The following CPED1 variants were observed in gnomAD, a reference collection of about 807,000 sequenced individuals.
CPED1 encodes cadherin-like and PC-esterase domain-containing protein 1.
CPED1 carries 114 observed loss-of-function variants against 128.2 expected under a neutral mutation model. The ratio of observed to expected loss-of-function variants is 0.89; its 90% CI spans 0.76 to 1.04. CPED1 has a LOEUF of 1.04. Among genes scored for constraint, CPED1 ranks in the 50% least tolerant of loss-of-function variants. The probability of loss-of-function intolerance (pLI) is 0.00; values close to 1 mark genes in which losing one functional copy is unlikely to be tolerated. For missense variants in CPED1, 1,211 were observed against 1,207.1 expected (o/e 1.00, Z -0.05); for synonymous variants, 462 against 426.7 (o/e 1.08, Z -1.02).
chr7:121,061,238 T>C, intron 4 of CPED1: 2 of 926,370 alleles, frequency 2.2e-6, no homozygotes, highest in Non-Finnish European at 2.6e-6. Flanking sequence ...CTAATGCATA[T>C]TCCCTTTTTC....
chr7:121,051,604 C>T, intron 4 of CPED1: 1 of 326,660 alleles, frequency 3.1e-6, no homozygotes, highest in Non-Finnish European at 5.8e-6. Context: ...TATGCCCTTG[C>T]TGTTTTTTAG....
intron 3 of CPED1, among the ~76,000 whole-genome samples, chr7:121,037,571 G>A (rs541235970): frequency 8.5e-5 from 13 of 152,158 alleles, no homozygotes; most frequent in South Asian, 8.3e-4. Flanking sequence ...GTCAGGTAAC[G>A]TGATGCCTCC....
At chr7:121,051,371 T>C in intron 4 of CPED1, 1 of 196,738 alleles carries the variant, frequency 5.1e-6, no homozygotes, top group Admixed American at 9.4e-5. Flanking sequence ...TGTAAATGCC[T>C]TTTTTTTTTT....
At chr7:121,184,167 ATTCTT>A (rs1796955585) in intron 16 of CPED1, among the ~76,000 whole-genome samples, 1 of 151,878 alleles carries the variant, frequency 6.6e-6, no homozygotes, top group Admixed American at 6.6e-5. Flanking sequence ...ATTTTGTGTG[ATTCTT>A]TTCTTTCAAA....
At chr7:121,230,630 A>T (rs532819520) in intron 16 of CPED1, among the ~76,000 whole-genome samples, 9 of 152,032 alleles carry the variant, frequency 5.9e-5, no homozygotes, top group Non-Finnish European at 1.2e-4. Context: ...CCTTTCTTCC[A>T]TAATTTAAGA....
intron 5 of CPED1, among the ~76,000 whole-genome samples, chr7:121,068,320 G>A (rs1239398365): frequency 6.6e-6 from 1 of 152,122 alleles, no homozygotes; most frequent in Non-Finnish European, 1.5e-5. Context: ...TCCAGTTTCA[G>A]CTTTCTACAT....
intron 2 of CPED1, among the ~76,000 whole-genome samples, chr7:121,009,518 G>A (rs983555821): frequency 6.0e-5 from 9 of 150,276 alleles, no homozygotes; most frequent in Non-Finnish European, 1.3e-4. Context: ...GAGATGGGAG[G>A]ATGGCTTGAG....
At chr7:121,127,425 A>G (rs573751425) in intron 10 of CPED1, among the ~76,000 whole-genome samples, 168 bp downstream of exon 10, 2 of 152,168 alleles carry the variant, frequency 1.3e-5, no homozygotes, top group South Asian at 4.1e-4. Flanking sequence ...GATTATTTTT[A>G]TGTCAACTAA....
intron 16 of CPED1, among the ~76,000 whole-genome samples, chr7:121,158,484 T>C (rs77968628): frequency 1.8e-4 from 27 of 152,262 alleles, no homozygotes; most frequent in African/African-American, 5.8e-4. Context: ...TGAACCTTGC[T>C]TCCTCTTGGC....
intron 2 of CPED1, among the ~76,000 whole-genome samples, chr7:121,000,149 G>A (rs1165568022): frequency 6.6e-6 from 1 of 152,078 alleles, no homozygotes; most frequent in African/African-American, 2.4e-5. Context: ...GAATGTTTTG[G>A]TTTCGTTTTC....
intron 2 of CPED1, among the ~76,000 whole-genome samples, chr7:121,014,549 CA>C (rs34128129): frequency 1.1e-3 from 129 of 117,202 alleles, no homozygotes; most frequent in African/African-American, 2.6e-3. Flanking sequence ...GACTTTGTCT[CA>C]AAAAAAAAAA....
At chr7:121,136,017 T>C (rs1795775511) in intron 13 of CPED1, 23 bp from the exon 14 acceptor site, 5 of 1,474,792 alleles carry the variant, frequency 3.4e-6, no homozygotes, top group Admixed American at 2.4e-5. Flanking sequence ...TTATTTTAAA[T>C]TTACATTTCT....
intron 18 of CPED1, among the ~76,000 whole-genome samples, chr7:121,259,466 A>G (rs1791961916): frequency 6.6e-6 from 1 of 152,088 alleles, no homozygotes; most frequent in South Asian, 2.1e-4. Flanking sequence ...GTTTTTGTAT[A>G]TGTACATAGG....
intron 16 of CPED1, among the ~76,000 whole-genome samples, chr7:121,150,418 T>C (rs1584549723): frequency 6.6e-6 from 1 of 152,086 alleles, no homozygotes; most frequent in Non-Finnish European, 1.5e-5. Flanking sequence ...TTCCGCATGG[T>C]GTATATGTAT....
chr7:121,260,223 GTTTTTTTTTTT>G (rs59370305), intron 18 of CPED1, among the ~76,000 whole-genome samples: 3 of 69,978 alleles, frequency 4.3e-5, no homozygotes, highest in Admixed American at 2.2e-4. Context: ...CTTGCTTCGC[GTTTTTTTTTTT>G]TTTTTTTTTT....
intron 3 of CPED1, among the ~76,000 whole-genome samples, chr7:121,040,711 A>G (rs1793027867): frequency 6.6e-6 from 1 of 152,042 alleles, no homozygotes; most frequent in South Asian, 2.1e-4. Context: ...ATATCCTCAC[A>G]TATTATATTA....
At chr7:121,087,181 G>A (rs1304734596) in intron 5 of CPED1, among the ~76,000 whole-genome samples, 1 of 152,014 alleles carries the variant, frequency 6.6e-6, no homozygotes, top group African/African-American at 2.4e-5. Context: ...CTTTGGTTGG[G>A]GGAGGCAAAC....
chr7:121,196,513 G>T (rs117697420), intron 16 of CPED1, among the ~76,000 whole-genome samples: 115 of 152,180 alleles, frequency 7.6e-4, no homozygotes, highest in Non-Finnish European at 1.2e-3. Context: ...TTATAGTAGA[G>T]AAAATAAATT....
chr7:121,179,852 T>C (rs1796862473), intron 16 of CPED1, among the ~76,000 whole-genome samples: 1 of 152,104 alleles, frequency 6.6e-6, no homozygotes, highest in African/African-American at 2.4e-5. Flanking sequence ...TCTGAAGTTT[T>C]GTTAGTAACC....
Sources: gnomAD v4.1 joint callset for allele counts (sites outside exome capture counted in the v4.1 genomes callset) on GRCh38, gnomAD v4.1.1 for gene constraint, MANE v1.5 for transcripts, NCBI Gene and HGNC (gene_info 2026-07-23, HGNC 2026-07-21) for gene names.